The following PTPRT variants were observed in gnomAD, a reference collection of about 807,000 sequenced individuals.
PTPRT encodes receptor-type tyrosine-protein phosphatase T.
In PTPRT, 56 loss-of-function variants were observed where a neutral mutation model predicts 176.8. That is an observed-to-expected ratio of 0.32 (90% CI 0.26 to 0.40). The LOEUF is 0.40. PTPRT is among the 10% of genes least tolerant of loss of function. The pLI is 1.00. For missense variants in PTPRT, 1,540 were observed against 1,908.2 expected (o/e 0.81, Z 3.60); for synonymous variants, 783 against 739.0 (o/e 1.06, Z -0.96).
At position 42,577,923 on chromosome 20, in the gene PTPRT, C is replaced by CTGTGTGTG. The variant is rs777761268; in HGVS notation, c.1153+99935_1153+99942dup. 1.9e-3 allele frequency among the ~76,000 whole-genome samples: 214 copies of CTGTGTGTG among 111,310 alleles called. 2 individuals carry two copies. The highest frequency in any genetic ancestry group is 6.0e-3 in the East Asian group (21 of 3,486). The allele number at this position is 111,310 out of a possible 152,430, so 73.0% of individuals were successfully genotyped here. On this transcript the variant is annotated intron_variant, in intron 7 of 30. Transcript: ENST00000373187. ...GAAAAACCTTCAGACCTGAGCGAGG[C>CTGTGTGTG]TGTGTGTGTGTGTGTGTGTGTGTGT...
intron 1 of PTPRT, among the ~76,000 whole-genome samples, chr20:43,096,861 C>T (rs1018682631): frequency 2.0e-5 from 3 of 152,188 alleles, no homozygotes; most frequent in Admixed American, 2.0e-4. Context: ...AGGCCCCAGG[C>T]TCCCCTTCCA....
intron 11 of PTPRT, among the ~76,000 whole-genome samples, chr20:42,342,328 G>A (rs1372490391): frequency 6.6e-6 from 1 of 152,168 alleles, no homozygotes; most frequent in East Asian, 1.9e-4. Flanking sequence ...AATCTGGTGT[G>A]ATGAAGTCCC....
chr20:42,118,533 T>C lies in PTPRT; in HGVS notation c.2885-33A>G, dbSNP rs201982565. 3.3e-4 allele frequency: 509 copies of C among 1,564,592 alleles called. 1 individual carries two copies. Among genetic ancestry groups the C allele is most frequent in the Non-Finnish European group, 4.0e-4 (461 of 1,148,750 alleles). Reference sequence around the variant, plus strand: ...CAGAGAAGACAGTGAGGTTAGAGAATGCAAGTGCAAAGCAGCAGCTGAGAA... The same window carrying C: ...CAGAGAAGACAGTGAGGTTAGAGAACGCAAGTGCAAAGCAGCAGCTGAGAA... On this transcript the variant is annotated intron_variant, in intron 20 of 30. Transcript: ENST00000373187.
intron 3 of PTPRT, 78 bp from the exon 4 acceptor site, chr20:42,780,377 C>A: frequency 1.8e-6 from 2 of 1,127,006 alleles, no homozygotes; most frequent in Non-Finnish European, 2.7e-6. Context: ...CGGCCCCCAG[C>A]CCTTTATGTT....
intron 1 of PTPRT, among the ~76,000 whole-genome samples, chr20:43,110,980 GACA>G (rs1444930406): frequency 2.0e-5 from 3 of 152,132 alleles, no homozygotes; most frequent in African/African-American, 7.2e-5. Flanking sequence ...GAGAAACTCA[GACA>G]ACAACAAATC....
At chr20:43,044,082 T>C (rs979940348) in intron 1 of PTPRT, among the ~76,000 whole-genome samples, 2 of 152,056 alleles carry the variant, frequency 1.3e-5, no homozygotes, top group South Asian at 2.1e-4. Flanking sequence ...CCAAGGCAGA[T>C]GGAGCAGGAC....
chr20:42,075,002 C>T lies in PTPRT; in HGVS notation c.*5877G>A, dbSNP rs1375077010. 4 of 392,870 alleles carry T rather than the reference C, an allele frequency of 1.0e-5. No individual in the cohort carries two copies. The highest frequency in any genetic ancestry group is 8.4e-5 in the African/African-American group (4 of 47,490). The allele number at this position is 392,870 out of a possible 1,614,324, so 24.3% of individuals were successfully genotyped here. ...GAAACTGGAGCTAGAACAGCTCCCC[C>T]CACACTCCACCACTAACCTCTCTCC... On this transcript the variant is annotated 3_prime_UTR_variant, in exon 31 of 31. Coordinates refer to ENST00000373187, the MANE Select transcript of PTPRT (RefSeq NM_007050.6).
chr20:43,148,939 G>C (rs1207267449), intron 1 of PTPRT, among the ~76,000 whole-genome samples: 1 of 152,174 alleles, frequency 6.6e-6, no homozygotes, highest in Admixed American at 6.5e-5. Context: ...GGTCAGAGAT[G>C]TTGTTTTTTA....
intron 6 of PTPRT, among the ~76,000 whole-genome samples, chr20:42,750,049 C>T (rs1191341854): frequency 1.3e-5 from 2 of 152,090 alleles, no homozygotes; most frequent in African/African-American, 4.8e-5. Flanking sequence ...GAAGACAGTA[C>T]AATGTAAGTA....
intron 13 of PTPRT, among the ~76,000 whole-genome samples, chr20:42,278,073 CTATATATATATATATATATA>C (rs777694770): frequency 0.032 from 1,238 of 39,214 alleles, 35 homozygotes; most frequent in Non-Finnish European, 0.044. Flanking sequence ...TGTAAGTAGA[CTATATATATATATATATATA>C]TATATATATA....
chr20:42,944,092 G>C (rs147495027), intron 1 of PTPRT, among the ~76,000 whole-genome samples: 5 of 152,092 alleles, frequency 3.3e-5, no homozygotes, highest in Non-Finnish European at 7.4e-5. Flanking sequence ...CCACTGCCCA[G>C]AAAAGCTCTG....
chr20:42,806,131 G>A (rs1486259326), intron 2 of PTPRT, among the ~76,000 whole-genome samples: 1 of 151,622 alleles, frequency 6.6e-6, no homozygotes, highest in Non-Finnish European at 1.5e-5. Context: ...GTGCATCCCT[G>A]GGCAAATTAC....
intron 7 of PTPRT, among the ~76,000 whole-genome samples, chr20:42,657,231 G>A (rs2075141275): frequency 1.3e-5 from 2 of 152,182 alleles, no homozygotes; most frequent in Admixed American, 1.3e-4. Context: ...CTGTGGAACA[G>A]GGAGTCAATT....
chr20:42,817,363 G>GGT (rs551198379), intron 2 of PTPRT, among the ~76,000 whole-genome samples: 68 of 138,074 alleles, frequency 4.9e-4, no homozygotes, highest in African/African-American at 1.8e-3. Flanking sequence ...ATCATGTTTG[G>GGT]TTTTTTTTTT....
chr20:42,497,949 G>A (rs2071684255), intron 7 of PTPRT, among the ~76,000 whole-genome samples: 1 of 151,416 alleles, frequency 6.6e-6, no homozygotes, highest in Non-Finnish European at 1.5e-5. Flanking sequence ...AACTGCAGCT[G>A]TAGACCTCAA....
intron 1 of PTPRT, among the ~76,000 whole-genome samples, chr20:43,044,214 G>A (rs577870097): frequency 6.6e-6 from 1 of 152,188 alleles, no homozygotes; most frequent in East Asian, 1.9e-4. Flanking sequence ...CCCAGCAGAA[G>A]GGCAAATCCA....
intron 1 of PTPRT, among the ~76,000 whole-genome samples, chr20:43,037,034 T>C (rs1568746392): frequency 6.6e-6 from 1 of 152,186 alleles, no homozygotes. Flanking sequence ...GGGAAAAACA[T>C]AAACATACAA....
chr20:42,054,993 G>C, the PTPRT span, among the ~76,000 whole-genome samples: 2 of 152,218 alleles, frequency 1.3e-5, no homozygotes, highest in African/African-American at 4.8e-5. Context: ...TCTAGACGAC[G>C]AGTTAGTGGG....
chr20:42,085,727 C>A lies in PTPRT; in HGVS notation c.3972+1G>T. 1 of 1,613,672 alleles carries A rather than the reference C, an allele frequency of 6.2e-7. No homozygotes were observed. Among genetic ancestry groups the A allele is most frequent in the Non-Finnish European group, 8.5e-7 (1 of 1,179,998 alleles). On this transcript the variant is annotated splice_donor_variant, in intron 28 of 30. Transcript: ENST00000373187. LOFTEE classifies it high-confidence loss of function. ...GCAAGCAATGGCGGCCGTGTACTTA[C>A]CCGGGCCATGTTACAGATGCGGAAT...
Sources: gnomAD v4.1 joint callset for allele counts (sites outside exome capture counted in the v4.1 genomes callset) on GRCh38, gnomAD v4.1.1 for gene constraint, MANE v1.5 for transcripts, NCBI Gene and HGNC (gene_info 2026-07-23, HGNC 2026-07-21) for gene names.